ST6GALNAC5: variants seen among roughly 807,000 people sequenced by gnomAD.
ST6GALNAC5 encodes ST6 N-acetylgalactosaminide alpha-2,6-sialyltransferase 5, also known as alpha-N-acetylgalactosaminide alpha-2,6-sialyltransferase 5.
In ST6GALNAC5, 27 loss-of-function variants were observed where a neutral mutation model predicts 33.6. The observed-to-expected ratio is 0.80, with a 90% CI of 0.59 to 1.11. The LOEUF is 1.11. Among genes scored for constraint, ST6GALNAC5 ranks in the 50% least tolerant of loss-of-function variants. ST6GALNAC5 has a pLI of 0.00. For synonymous variants in ST6GALNAC5, 194 were observed against 171.2 expected (o/e 1.13, Z -1.04); for missense variants, 428 against 454.0 (o/e 0.94, Z 0.52).
At chr1:77,056,333 A>T (rs1233860282) in intron 4 of ST6GALNAC5, among the ~76,000 whole-genome samples, 3 of 152,184 alleles carry the variant, frequency 2.0e-5, no homozygotes, top group African/African-American at 7.2e-5. Context: ...TTCCATTATA[A>T]ATTATTTGTG....
chr1:76,903,239 C>T (rs148829564), intron 2 of ST6GALNAC5, among the ~76,000 whole-genome samples: 5 of 152,212 alleles, frequency 3.3e-5, no homozygotes, highest in East Asian at 1.9e-4. Context: ...TCTCAATAGA[C>T]GTATCTCCAT....
intron 2 of ST6GALNAC5, among the ~76,000 whole-genome samples, chr1:76,958,189 T>G (rs1648082476): frequency 6.6e-6 from 1 of 152,234 alleles, no homozygotes; most frequent in African/African-American, 2.4e-5. Flanking sequence ...CAACCGCTTC[T>G]CTGCACAGTC....
intron 4 of ST6GALNAC5, among the ~76,000 whole-genome samples, chr1:77,062,331 C>T (rs1044193397): frequency 6.6e-6 from 1 of 152,078 alleles, no homozygotes; most frequent in Non-Finnish European, 1.5e-5. Context: ...TCAGGTAAGG[C>T]CTCTCAGAGA....
chr1:76,960,774 C>T (rs858601), intron 2 of ST6GALNAC5, among the ~76,000 whole-genome samples: 3,610 of 152,284 alleles, frequency 0.024, 143 homozygotes, highest in African/African-American at 0.083. Context: ...GGCTCTGTTC[C>T]GCCCGGCTCA....
At chr1:76,893,550 A>G (rs964011825) in intron 2 of ST6GALNAC5, among the ~76,000 whole-genome samples, 2 of 152,228 alleles carry the variant, frequency 1.3e-5, no homozygotes, top group South Asian at 2.1e-4. Flanking sequence ...GGAGGATTTA[A>G]TAAGATAATA....
chr1:76,936,804 C>T (rs1170098757), intron 2 of ST6GALNAC5, among the ~76,000 whole-genome samples: 1 of 151,808 alleles, frequency 6.6e-6, no homozygotes, highest in Non-Finnish European at 1.5e-5. Context: ...TTTTCTAAGG[C>T]AGAGGTTATG....
At chr1:77,019,116 T>C (rs1650958701) in intron 2 of ST6GALNAC5, among the ~76,000 whole-genome samples, 1 of 152,226 alleles carries the variant, frequency 6.6e-6, no homozygotes, top group African/African-American at 2.4e-5. Context: ...AGAAATCATA[T>C]GCTTTAGATG....
At chr1:76,954,424 G>T (rs143712236) in intron 2 of ST6GALNAC5, among the ~76,000 whole-genome samples, 1 of 152,148 alleles carries the variant, frequency 6.6e-6, no homozygotes, top group African/African-American at 2.4e-5. Context: ...GCTAATTGAT[G>T]CTGGACTTAA....
chr1:76,892,710 A>G (rs1057430796), intron 2 of ST6GALNAC5, among the ~76,000 whole-genome samples: 1 of 152,254 alleles, frequency 6.6e-6, no homozygotes, highest in Non-Finnish European at 1.5e-5. Context: ...AAATTTGGGA[A>G]AGAAGAAAAG....
intron 4 of ST6GALNAC5, among the ~76,000 whole-genome samples, chr1:77,053,351 C>A (rs1276867172): frequency 6.6e-6 from 1 of 152,124 alleles, no homozygotes; most frequent in Non-Finnish European, 1.5e-5. Context: ...AATATAGCCT[C>A]CCTGAGGGCA....
Position 76,929,299 on chromosome 1 carries a change from G to T in ST6GALNAC5, c.261+60557G>T, listed in dbSNP as rs563492362. ...CTCACACCTCTGGTCCCAGCATTTT[G>T]AGAGGCCGAGGCAGGAGGATGGCTT... On this transcript the variant is annotated intron_variant, in intron 2 of 4. Coordinates refer to ENST00000477717, the MANE Select transcript of ST6GALNAC5 (RefSeq NM_030965.3). Among the ~76,000 whole-genome samples the T allele has an allele frequency of 5.3e-4, 80 of 152,262 alleles. 1 individual carries two copies. The highest frequency in any genetic ancestry group is 1.8e-3 in the African/African-American group (76 of 41,578).
At chr1:76,885,741 T>C (rs1653878249) in intron 2 of ST6GALNAC5, among the ~76,000 whole-genome samples, 1 of 152,220 alleles carries the variant, frequency 6.6e-6, no homozygotes, top group Admixed American at 6.5e-5. Context: ...CCCCTTTCTT[T>C]CCCTGCTGTT....
chr1:76,966,374 G>C (rs972423284), intron 2 of ST6GALNAC5, among the ~76,000 whole-genome samples: 1 of 152,140 alleles, frequency 6.6e-6, no homozygotes, highest in Admixed American at 6.5e-5. Flanking sequence ...ATTGTGAATG[G>C]GAGTTCACTG....
chr1:76,873,246 C>G (rs1263552350), intron 2 of ST6GALNAC5, among the ~76,000 whole-genome samples: 1 of 152,194 alleles, frequency 6.6e-6, no homozygotes, highest in Non-Finnish European at 1.5e-5. Flanking sequence ...CACATGTCAT[C>G]TTCTTATGGA....
At chr1:76,962,649 C>T (rs75247502) in intron 2 of ST6GALNAC5, among the ~76,000 whole-genome samples, 1 of 152,198 alleles carries the variant, frequency 6.6e-6, no homozygotes, top group Non-Finnish European at 1.5e-5. Flanking sequence ...TTCTCTTTCA[C>T]CCTCACTCTC....
intron 2 of ST6GALNAC5, among the ~76,000 whole-genome samples, chr1:76,906,295 A>G (rs985705764): frequency 5.9e-5 from 9 of 152,260 alleles, no homozygotes; most frequent in South Asian, 2.1e-4. Flanking sequence ...GAGCTAGAAT[A>G]AAGCCACTTC....
chr1:76,983,418 C>A (rs763752356), intron 2 of ST6GALNAC5, among the ~76,000 whole-genome samples: 45 of 152,010 alleles, frequency 3.0e-4, no homozygotes, highest in Non-Finnish European at 6.2e-4. Context: ...AGACAAAGAA[C>A]ACCATTACAT....
At chr1:77,028,882 G>A (rs1651346153) in intron 2 of ST6GALNAC5, among the ~76,000 whole-genome samples, 1 of 152,214 alleles carries the variant, frequency 6.6e-6, no homozygotes, top group East Asian at 1.9e-4. Context: ...TGCTGAATAA[G>A]TAGCTTTTAC....
At chr1:76,921,543 C>G (rs1647034723) in intron 2 of ST6GALNAC5, among the ~76,000 whole-genome samples, 1 of 152,086 alleles carries the variant, frequency 6.6e-6, no homozygotes, top group South Asian at 2.1e-4. Context: ...AATTCTGCAG[C>G]CATTACATGG....
Sources: gnomAD v4.1 joint callset for allele counts (sites outside exome capture counted in the v4.1 genomes callset) on GRCh38, gnomAD v4.1.1 for gene constraint, MANE v1.5 for transcripts, NCBI Gene and HGNC (gene_info 2026-07-23, HGNC 2026-07-21) for gene names.